C10orf90: variants seen among roughly 807,000 people sequenced by gnomAD.
The protein encoded by C10orf90 is chromosome 10 open reading frame 90.
In C10orf90, 56 loss-of-function variants were observed where a neutral mutation model predicts 62.5. That is an observed-to-expected ratio of 0.90 (90% CI 0.72 to 1.12). The LOEUF is 1.12. C10orf90 is among the 50% of genes most tolerant of loss of function. The pLI is 0.00. For synonymous variants in C10orf90, 386 were observed against 340.4 expected, an observed-to-expected ratio of 1.13 and a Z score of -1.47; for missense variants, 970 against 880.4, an observed-to-expected ratio of 1.10 and a Z score of -1.29.
chr10:126,455,326 C>A (rs1859475984), intron 7 of C10orf90, among the ~76,000 whole-genome samples: 1 of 152,218 alleles, frequency 6.6e-6, no homozygotes, highest in Non-Finnish European at 1.5e-5. Flanking sequence ...CTCACCCACC[C>A]TGCCCTATTG....
intron 4 of C10orf90, among the ~76,000 whole-genome samples, chr10:126,494,578 G>C (rs1861939026): frequency 6.6e-6 from 1 of 152,210 alleles, no homozygotes; most frequent in Admixed American, 6.5e-5. Flanking sequence ...CACAGGCTCA[G>C]TGCAGGCTCT....
intron 6 of C10orf90, among the ~76,000 whole-genome samples, chr10:126,460,012 G>C (rs535894169): frequency 6.6e-6 from 1 of 152,350 alleles, no homozygotes; most frequent in South Asian, 2.1e-4. Context: ...GCTCATGGTA[G>C]TTTGGTAGAT....
At chr10:126,517,987 C>T (rs571336868) in intron 2 of C10orf90, among the ~76,000 whole-genome samples, 17 of 151,680 alleles carry the variant, frequency 1.1e-4, no homozygotes, top group African/African-American at 3.9e-4. Flanking sequence ...AACCAAAATG[C>T]CTGACTTCAT....
chr10:126,515,961 C>T (rs1182234832), intron 2 of C10orf90, among the ~76,000 whole-genome samples: 1 of 152,158 alleles, frequency 6.6e-6, no homozygotes, highest in Admixed American at 6.5e-5. Flanking sequence ...AATATAAGGG[C>T]TGAAAGGTCT....
At position 126,661,186 on chromosome 10, in the gene C10orf90, G is replaced by A. The variant is rs913023397; in HGVS notation, c.240+9055C>T. On this transcript the variant is annotated intron_variant, in intron 1 of 9. Coordinates refer to ENST00000488181, the MANE Select transcript of C10orf90 (RefSeq NM_001350921.2). ...AGTTACAATTTGCCTGCACCCAGGG[G>A]CCACGTCTTTGTGCCATGGCTCTAT... 2.0e-5 allele frequency among the ~76,000 whole-genome samples: 3 copies of A among 152,280 alleles called. No homozygotes were observed. The South Asian group carries it at 6.2e-4, about 32-fold the overall frequency.
At chr10:126,569,047 C>T (rs548190161) in intron 2 of C10orf90, among the ~76,000 whole-genome samples, 1 of 152,080 alleles carries the variant, frequency 6.6e-6, no homozygotes, top group African/African-American at 2.4e-5. Flanking sequence ...GGGCAGGGTG[C>T]AGGGTGACGT....
chr10:126,543,591 G>A (rs1022453044), intron 2 of C10orf90, among the ~76,000 whole-genome samples: 2 of 152,162 alleles, frequency 1.3e-5, no homozygotes, highest in Non-Finnish European at 2.9e-5. Context: ...GAAGCTGCAG[G>A]TGACCCCATT....
At chr10:126,436,285 A>G (rs1229434856) in intron 7 of C10orf90, among the ~76,000 whole-genome samples, 4 of 152,232 alleles carry the variant, frequency 2.6e-5, no homozygotes, top group African/African-American at 7.2e-5. Flanking sequence ...ACAAAGTGGT[A>G]CAGACTATTT....
chr10:126,494,192 T>A (rs2133848763), intron 4 of C10orf90, among the ~76,000 whole-genome samples: 1 of 152,348 alleles, frequency 6.6e-6, no homozygotes, highest in South Asian at 2.1e-4. Context: ...GGGCCGTTCA[T>A]CTGCTGAATA....
Position 126,461,382 on chromosome 10 carries a change from G to T in C10orf90, c.2010+19C>A. On this transcript the variant is annotated intron_variant, in intron 6 of 9. Transcript: ENST00000488181. ...CTCCCTTTGGCAGGAATCAAGCCAG[G>T]ACACACAGAAGGCCTTACTTGCAAG... The T allele has an allele frequency of 6.2e-7, 1 of 1,611,932 alleles. No individual in the cohort carries two copies. The highest frequency in any genetic ancestry group is 1.4e-5 in the African/African-American group (1 of 73,810).
At chr10:126,457,069 C>G (rs1859633004) in intron 7 of C10orf90, among the ~76,000 whole-genome samples, 1 of 152,202 alleles carries the variant, frequency 6.6e-6, no homozygotes, top group Non-Finnish European at 1.5e-5. Context: ...CTCACTGCAG[C>G]CATGACCTAG....
intron 2 of C10orf90, among the ~76,000 whole-genome samples, chr10:126,615,378 A>G (rs566536373): frequency 6.6e-6 from 1 of 152,334 alleles, no homozygotes; most frequent in East Asian, 1.9e-4. Flanking sequence ...AGCAAAGGAC[A>G]TCTCTTCTGT....
At chr10:126,642,261 G>A (rs146310654) in intron 2 of C10orf90, among the ~76,000 whole-genome samples, 2,381 of 152,228 alleles carry the variant, frequency 0.016, 76 homozygotes, top group African/African-American at 0.055. Context: ...GGCTGGGTGC[G>A]GTGGCTCACG....
chr10:126,430,036 T>G (rs1298472840), intron 7 of C10orf90, among the ~76,000 whole-genome samples, 186 bp from the exon 8 acceptor site: 1 of 152,144 alleles, frequency 6.6e-6, no homozygotes, highest in Non-Finnish European at 1.5e-5. Context: ...CAACAACGGG[T>G]TTGGTCTTGA....
intron 4 of C10orf90, among the ~76,000 whole-genome samples, chr10:126,496,364 C>T (rs766492850): frequency 9.2e-5 from 14 of 152,116 alleles, no homozygotes; most frequent in Non-Finnish European, 5.9e-5. Flanking sequence ...ATCTGGAAAC[C>T]GTGTTTATGA....
At chr10:126,555,435 G>C (rs1864742438) in intron 2 of C10orf90, among the ~76,000 whole-genome samples, 1 of 152,050 alleles carries the variant, frequency 6.6e-6, no homozygotes, top group African/African-American at 2.4e-5. Context: ...CACTTTGGAA[G>C]GCTGAGGCAG....
chr10:126,435,364 AG>A (rs921240933), intron 7 of C10orf90, among the ~76,000 whole-genome samples: 25 of 152,226 alleles, frequency 1.6e-4, no homozygotes, highest in African/African-American at 5.8e-4. Context: ...TTCCTGGTTA[AG>A]GAAGGTAGAT....
chr10:126,430,224 A>G (rs1857492496), intron 7 of C10orf90, among the ~76,000 whole-genome samples: 1 of 152,194 alleles, frequency 6.6e-6, no homozygotes, highest in South Asian at 2.1e-4. Flanking sequence ...GCCTCTAAGG[A>G]CAAGGAAATC....
chr10:126,499,332 G>A (rs925974838), intron 4 of C10orf90, among the ~76,000 whole-genome samples: 3 of 152,044 alleles, frequency 2.0e-5, no homozygotes, highest in Non-Finnish European at 2.9e-5. Context: ...CATATGGCCC[G>A]CAAAGCCAAA....
Sources: gnomAD v4.1 joint callset for allele counts (sites outside exome capture counted in the v4.1 genomes callset) on GRCh38, gnomAD v4.1.1 for gene constraint, MANE v1.5 for transcripts, NCBI Gene and HGNC (gene_info 2026-07-23, HGNC 2026-07-21) for gene names.